Variants in CCDC149 observed in about 807,000 individuals in gnomAD.
CCDC149 encodes coiled-coil domain containing 149, also known as coiled-coil domain-containing protein 149.
Under a neutral mutation model 59.9 loss-of-function variants are expected in CCDC149, and 45 were observed. That is an observed-to-expected ratio of 0.75 (90% CI 0.59 to 0.96). The LOEUF is 0.96. Ranked by LOEUF, CCDC149 falls within the 40% of genes least tolerant of loss-of-function variation. CCDC149 has a pLI of 0.00. For missense variants in CCDC149, 584 were observed against 664.7 expected, an observed-to-expected ratio of 0.88 and a Z score of 1.33; for synonymous variants, 245 against 260.6, an observed-to-expected ratio of 0.94 and a Z score of 0.58.
At chr4:24,932,530 T>C (rs944798677) in intron 1 of CCDC149, among the ~76,000 whole-genome samples, 6 of 152,174 alleles carry the variant, frequency 3.9e-5, no homozygotes, top group Non-Finnish European at 8.8e-5. Context: ...GACTGTTAAA[T>C]TGAAGTAAGG....
At chr4:24,853,530 G>A (rs1226843372) in intron 3 of CCDC149, among the ~76,000 whole-genome samples, 1 of 147,324 alleles carries the variant, frequency 6.8e-6, no homozygotes, top group African/African-American at 2.5e-5. Flanking sequence ...GGAGGTTGCA[G>A]TAAGCTGAGA....
intron 1 of CCDC149, among the ~76,000 whole-genome samples, chr4:24,927,697 C>T (rs1286322510): frequency 1.3e-5 from 2 of 152,088 alleles, no homozygotes; most frequent in African/African-American, 2.4e-5. Context: ...ATTAAACTTC[C>T]TTATATTAAC....
intron 1 of CCDC149, among the ~76,000 whole-genome samples, chr4:24,958,698 T>A (rs1343065055): frequency 6.6e-6 from 1 of 152,010 alleles, no homozygotes; most frequent in African/African-American, 2.4e-5. Context: ...TTAGTGAAGA[T>A]CAAGGCATAG....
chr4:24,863,866 A>G (rs1421688949), intron 3 of CCDC149, among the ~76,000 whole-genome samples: 3 of 152,236 alleles, frequency 2.0e-5, no homozygotes, highest in Admixed American at 6.5e-5. Flanking sequence ...TCAGTTTAAG[A>G]TTGTGAGGTT....
Position 24,808,443 on chromosome 4 carries a change from T to C in CCDC149, c.1569A>G (p.Glu523=), listed in dbSNP as rs1258933753. 1.4e-6 allele frequency: 2 copies of C among 1,463,630 alleles called. No homozygotes were observed. Among genetic ancestry groups the C allele is most frequent in the South Asian group, 1.5e-5 (1 of 68,166 alleles). 90.7% of individuals were successfully genotyped at this position (1,463,630 alleles called of 1,614,324 possible). ...CGCCCTCTGGGATCCCTTTGCCGTC[T>C]TCCGGTGTGGAAGCTTTGGCTGCTG... Residue 523 remains glutamate (E), a synonymous_variant, in exon 13 of 13, where the codon GAA becomes GAG. Transcript: ENST00000635206.
intron 1 of CCDC149, among the ~76,000 whole-genome samples, chr4:24,907,562 C>T (rs1721607173): frequency 6.6e-6 from 1 of 152,094 alleles, no homozygotes; most frequent in Non-Finnish European, 1.5e-5. Context: ...GTCTGTCTTC[C>T]CCTCTGGACT....
At chr4:24,909,543 T>C (rs1721746728) in intron 1 of CCDC149, among the ~76,000 whole-genome samples, 1 of 152,190 alleles carries the variant, frequency 6.6e-6, no homozygotes, top group African/African-American at 2.4e-5. Context: ...CAGGCACTTT[T>C]CAGCAGTAGG....
At chr4:24,839,678 A>G (rs1297778877) in intron 4 of CCDC149, among the ~76,000 whole-genome samples, 1 of 152,182 alleles carries the variant, frequency 6.6e-6, no homozygotes, top group Non-Finnish European at 1.5e-5. Context: ...TGGGGCTGCA[A>G]TGGAAACTGT....
intron 1 of CCDC149, among the ~76,000 whole-genome samples, chr4:24,927,878 G>A (rs1307699990): frequency 5.9e-5 from 9 of 151,600 alleles, no homozygotes; most frequent in Non-Finnish European, 1.2e-4. Context: ...AAAACTCAGC[G>A]TACCTATACC....
chr4:24,868,993 C>A (rs1368002208), intron 3 of CCDC149, among the ~76,000 whole-genome samples: 1 of 152,212 alleles, frequency 6.6e-6, no homozygotes, highest in Non-Finnish European at 1.5e-5. Context: ...TAAATGAGGT[C>A]ATCTACAGCA....
Position 24,807,091 on chromosome 4 carries a change from G to A in CCDC149, c.*1298C>T, listed in dbSNP as rs775999231. The A allele has an allele frequency of 5.9e-5, 9 of 152,140 alleles. No homozygotes were observed. The highest frequency in any genetic ancestry group is 1.2e-4 in the Non-Finnish European group (8 of 68,038). The allele number at this position is 152,140 out of a possible 1,614,324, so 9.4% of individuals were successfully genotyped here. ...CACTCTGGGAGCCTCTCTTTTTCCT[G>A]CAAGGAGCGCCTCTCAAAGGAGTGA... On this transcript the variant is annotated 3_prime_UTR_variant, in exon 13 of 13. Coordinates refer to ENST00000635206, the MANE Select transcript of CCDC149 (RefSeq NM_001330643.2).
At chr4:24,956,879 T>C (rs1240680211) in intron 1 of CCDC149, among the ~76,000 whole-genome samples, 7 of 152,242 alleles carry the variant, frequency 4.6e-5, no homozygotes. Flanking sequence ...TCAGCTGACC[T>C]GAGGCTTTTA....
intron 1 of CCDC149, among the ~76,000 whole-genome samples, chr4:24,943,949 G>A (rs1410633999): frequency 1.3e-5 from 2 of 152,180 alleles, no homozygotes; most frequent in Non-Finnish European, 2.9e-5. Flanking sequence ...TACACTGTTG[G>A]CGGGACTGTA....
chr4:24,863,181 T>C (rs1718488158), intron 3 of CCDC149, among the ~76,000 whole-genome samples: 1 of 152,074 alleles, frequency 6.6e-6, no homozygotes, highest in South Asian at 2.1e-4. Context: ...TAGTCCCAGC[T>C]ACTCAGGAGG....
intron 1 of CCDC149, among the ~76,000 whole-genome samples, chr4:24,950,583 C>CCATG (rs1255787804): frequency 6.6e-6 from 1 of 152,184 alleles, no homozygotes; most frequent in African/African-American, 2.4e-5. Context: ...CTAAACCCTG[C>CCATG]CATGAGCCAG....
intron 4 of CCDC149, among the ~76,000 whole-genome samples, chr4:24,844,419 T>C (rs1217170454): frequency 6.6e-6 from 1 of 152,118 alleles, no homozygotes; most frequent in Non-Finnish European, 1.5e-5. Context: ...CTGAGGCCAG[T>C]GTTAACTGGC....
At chr4:24,907,598 G>A (rs572396723) in intron 1 of CCDC149, among the ~76,000 whole-genome samples, 3 of 152,288 alleles carry the variant, frequency 2.0e-5, no homozygotes, top group Admixed American at 2.0e-4. Context: ...GGGAGGCTTA[G>A]ACTAAAGCCA....
At chr4:24,871,650 A>T (rs1036771298) in intron 3 of CCDC149, among the ~76,000 whole-genome samples, 10 of 152,200 alleles carry the variant, frequency 6.6e-5, no homozygotes, top group African/African-American at 2.4e-4. Context: ...CATGTATAAG[A>T]GAGAGTGACT....
intron 12 of CCDC149, among the ~76,000 whole-genome samples, chr4:24,811,676 C>T (rs1004119477): frequency 2.6e-5 from 4 of 152,050 alleles, no homozygotes; most frequent in African/African-American, 9.7e-5. Context: ...AGTTCAAGAC[C>T]ATTCTGGCCA....
Sources: gnomAD v4.1 joint callset for allele counts (sites outside exome capture counted in the v4.1 genomes callset) on GRCh38, gnomAD v4.1.1 for gene constraint, MANE v1.5 for transcripts, NCBI Gene and HGNC (gene_info 2026-07-23, HGNC 2026-07-21) for gene names.